Variants in PCLO observed in about 807,000 individuals in gnomAD.
PCLO encodes the protein piccolo presynaptic cytomatrix protein.
Under a neutral mutation model 427.5 loss-of-function variants are expected in PCLO, and 82 were observed. The observed-to-expected ratio is 0.19, with a 90% CI of 0.16 to 0.23. PCLO has a LOEUF of 0.23. Ranked by LOEUF, PCLO falls within the 10% of genes least tolerant of loss-of-function variation. The pLI, the probability that PCLO is intolerant of heterozygous loss-of-function variation, is 1.00. For missense variants in PCLO, 6,239 were observed against 6,115.9 expected (o/e 1.02, Z -0.67); for synonymous variants, 2,357 against 2,155.4 (o/e 1.09, Z -2.59).
chr7:82,989,938 A>C (rs76494046), intron 3 of PCLO, among the ~76,000 whole-genome samples: 6,322 of 152,300 alleles, frequency 0.042, 198 homozygotes, highest in South Asian at 0.066. Context: ...CATAGGGAGT[A>C]CTTCAGACTG....
Position 83,134,724 on chromosome 7 carries a change from T to C in PCLO, c.2826A>G (p.Ala942=), listed in dbSNP as rs1340162344. ...GGCCTGCAGTGGAAATTAAATTTGA[T>C]GCCTGGCTGAAGATTGATGCTCCAA... ...FGFGASIFSQ[A]SNLISTAGQP... The change falls in exon 3 of 25, where the codon GCA becomes GCG. Residue 942 remains alanine, a synonymous_variant. Transcript: ENST00000333891. 2 of 1,613,782 alleles carry C rather than the reference T, an allele frequency of 1.2e-6. No homozygotes were observed. The highest frequency in any genetic ancestry group is 2.7e-5 in the African/African-American group (2 of 74,900).
chr7:82,830,938 G>A (rs1432813086), intron 16 of PCLO, among the ~76,000 whole-genome samples: 1 of 151,876 alleles, frequency 6.6e-6, no homozygotes, highest in Non-Finnish European at 1.5e-5. Flanking sequence ...ATTAGTGAAT[G>A]CCAACTCTGT....
rs1268032251 is a variant in PCLO at position 82,999,519 on chromosome 7, A to AAT, written c.3301-33034_3301-33033dup. ...TATATAATATTATATTAAAATATAA[A>AAT]ATATAATATTATATTAAAATATAAA... is the stretch of plus-strand genomic sequence containing the variant. On this transcript the variant is annotated intron_variant, in intron 3 of 24. Coordinates refer to ENST00000333891, the MANE Select transcript of PCLO (RefSeq NM_033026.6). Among the ~76,000 whole-genome samples, 2 of 59,338 alleles carry AAT rather than the reference A, an allele frequency of 3.4e-5. 1 individual carries two copies. The highest frequency in any genetic ancestry group is 6.4e-5 in the Non-Finnish European group (2 of 31,310). 38.9% of individuals were successfully genotyped at this position (59,338 alleles called of 152,430 possible).
intron 3 of PCLO, among the ~76,000 whole-genome samples, chr7:83,009,138 G>A (rs1425090365): frequency 1.3e-5 from 2 of 151,686 alleles, no homozygotes; most frequent in East Asian, 3.9e-4. Context: ...AATATAGCAT[G>A]TCTACTGGTT....
chr7:83,107,645 A>T (rs2116510000), intron 3 of PCLO, among the ~76,000 whole-genome samples: 1 of 151,194 alleles, frequency 6.6e-6, no homozygotes, highest in East Asian at 1.9e-4. Context: ...AATAATAATT[A>T]ATACTAATAA....
rs534094531 is a variant in PCLO at position 82,904,254 on chromosome 7, T to C, written c.13438-1513A>G. 2.0e-5 allele frequency among the ~76,000 whole-genome samples: 3 copies of C among 151,976 alleles called. No homozygotes were observed. In the East Asian group the frequency reaches 5.8e-4, roughly 30 times the overall value. ...TTCTTTTTCCCTCTCTTCCCTGCTGTTCACTCTTCTCTCTCCTGTCTCTAT... is the reference window on the plus strand; with the variant it reads ...TTCTTTTTCCCTCTCTTCCCTGCTGCTCACTCTTCTCTCTCCTGTCTCTAT... On this transcript the variant is annotated intron_variant, in intron 8 of 24. Coordinates refer to ENST00000333891, the MANE Select transcript of PCLO (RefSeq NM_033026.6).
chr7:83,077,498 A>C (rs1789986306), intron 3 of PCLO, among the ~76,000 whole-genome samples: 1 of 152,124 alleles, frequency 6.6e-6, no homozygotes, highest in Admixed American at 6.5e-5. Context: ...TCAAAAAAAT[A>C]AGTGTGGAAG....
At chr7:82,890,655 TA>T (rs1191204345) in intron 9 of PCLO, among the ~76,000 whole-genome samples, 1 of 151,676 alleles carries the variant, frequency 6.6e-6, no homozygotes, top group Non-Finnish European at 1.5e-5. Context: ...GTTGCTTTTT[TA>T]AAACTAATCC....
Position 82,916,020 on chromosome 7 carries a change from G to A in PCLO, c.11966C>T (p.Ala3989Val), listed in dbSNP as rs1338896319. ...AAATGTGTTATCCGTAGAAACAGGT[G>A]CTATCATAAGGGGTTGGTTGCGAAT... ...EVIRNQPLMI[A>V]PVSTDNTFAV... Residue 3989 changes from alanine to valine, a missense_variant, in exon 7 of 25, where the codon GCA becomes GTA. By Grantham distance (64) the Ala-to-Val change is moderately conservative. Transcript: ENST00000333891. 6.2e-7 allele frequency: 1 copy of A among 1,612,732 alleles called. No individual in the cohort carries two copies. Among genetic ancestry groups the A allele is most frequent in the Admixed American group, 1.7e-5 (1 of 59,978 alleles).
intron 14 of PCLO, among the ~76,000 whole-genome samples, chr7:82,839,438 C>T (rs781766703): frequency 7.2e-5 from 11 of 151,832 alleles, no homozygotes; most frequent in Non-Finnish European, 1.6e-4. Context: ...AATAAAAGCA[C>T]AGTGAAAAAG....
chr7:82,965,122 A>G (rs1462988058), intron 4 of PCLO, among the ~76,000 whole-genome samples: 1 of 152,128 alleles, frequency 6.6e-6, no homozygotes, highest in Admixed American at 6.6e-5. Context: ...AAAGAAAAAG[A>G]AAAGAATATT....
intron 3 of PCLO, among the ~76,000 whole-genome samples, chr7:83,022,855 T>C (rs555410572): frequency 2.6e-5 from 4 of 152,182 alleles, no homozygotes; most frequent in Non-Finnish European, 5.9e-5. Flanking sequence ...ATATATAGGA[T>C]AAAGTTTTAA....
intron 22 of PCLO, among the ~76,000 whole-genome samples, chr7:82,763,348 C>A (rs1257938153): frequency 6.6e-6 from 1 of 151,924 alleles, no homozygotes; most frequent in Non-Finnish European, 1.5e-5. Context: ...GTAATTTCAG[C>A]GTATTTTGAA....
At chr7:83,158,131 A>G (rs1792345851) in intron 1 of PCLO, among the ~76,000 whole-genome samples, 1 of 152,056 alleles carries the variant, frequency 6.6e-6, no homozygotes, top group Non-Finnish European at 1.5e-5. Context: ...TAAAAGACAA[A>G]TAAGTAGATT....
At chr7:83,081,633 C>T (rs1344986642) in intron 3 of PCLO, among the ~76,000 whole-genome samples, 2 of 151,732 alleles carry the variant, frequency 1.3e-5, no homozygotes, top group African/African-American at 4.8e-5. Flanking sequence ...ACTTAGATTG[C>T]TATTTTTCCT....
intron 8 of PCLO, among the ~76,000 whole-genome samples, chr7:82,907,781 A>C (rs1324696374): frequency 6.6e-6 from 1 of 152,008 alleles, no homozygotes; most frequent in African/African-American, 2.4e-5. Context: ...GCATATAGAA[A>C]AACAGAACAA....
Position 82,956,764 on chromosome 7 carries a change from A to G in PCLO, c.4189T>C (p.Phe1397Leu). ...DILKGLKKDS[F>L]SQESSPSSPS... ...CTGGAAGGGCTGCTTTCTTGTGAAA[A>G]AGAGTCCTTTTTGAGTCCCTTGAGA... is the stretch of plus-strand genomic sequence containing the variant. The change falls in exon 5 of 25, where the codon TTT becomes CTT. Residue 1397 changes from phenylalanine to leucine, a missense_variant. Phe to Leu is a conservative substitution (Grantham distance 22). Transcript: ENST00000333891. 6.2e-7 allele frequency: 1 copy of G among 1,613,868 alleles called. No individual in the cohort carries two copies. The highest frequency in any genetic ancestry group is 8.5e-7 in the Non-Finnish European group (1 of 1,179,834).
intron 3 of PCLO, among the ~76,000 whole-genome samples, chr7:83,038,023 A>ATATATATATATATATATT (rs1562932918): frequency 1.9e-5 from 1 of 52,824 alleles, no homozygotes; most frequent in Non-Finnish European, 2.9e-5. Flanking sequence ...ATATATATAT[A>ATATATATATATATATATT]TATATATTTA....
chr7:83,030,141 A>G (rs1426601566), intron 3 of PCLO, among the ~76,000 whole-genome samples: 3 of 147,894 alleles, frequency 2.0e-5, no homozygotes, highest in Non-Finnish European at 4.5e-5. Context: ...AAAAGAAAAG[A>G]AAAGACTCAG....
Sources: allele counts gnomAD v4.1 joint callset (sites outside exome capture counted in the v4.1 genomes callset), GRCh38; gene constraint gnomAD v4.1.1; transcripts MANE v1.5; gene names NCBI Gene and HGNC (gene_info 2026-07-23, HGNC 2026-07-21).